RTF1: variants seen among roughly 807,000 people sequenced by gnomAD.
The protein encoded by RTF1 is RTF1 homolog, Paf1/RNA polymerase II complex component.
In RTF1, 10 loss-of-function variants were observed where a neutral mutation model predicts 95.7. The observed-to-expected ratio is 0.10, with a 90% CI of 0.06 to 0.18. The LOEUF (loss-of-function observed/expected upper bound fraction) is 0.18. RTF1 is among the 10% of genes least tolerant of loss of function. The probability of loss-of-function intolerance (pLI) is 1.00; values close to 1 mark genes in which losing one functional copy is unlikely to be tolerated. For missense variants in RTF1, 458 were observed against 875.6 expected, an observed-to-expected ratio of 0.52 and a Z score of 6.02; for synonymous variants, 305 against 311.8, an observed-to-expected ratio of 0.98 and a Z score of 0.23.
intron 8 of RTF1, among the ~76,000 whole-genome samples, chr15:41,472,629 A>G (rs1246291249): frequency 2.1e-5 from 3 of 145,848 alleles, no homozygotes; most frequent in Admixed American, 2.0e-4. Context: ...AGCGATTCTC[A>G]TGCCTCAGCC....
At chr15:41,421,731 A>C (rs868591969) in intron 1 of RTF1, among the ~76,000 whole-genome samples, 65 of 146,028 alleles carry the variant, frequency 4.5e-4, no homozygotes, top group African/African-American at 1.5e-3. Context: ...TTTTTTAGGC[A>C]GGGTTTCACT....
chr15:41,472,737 T>C (rs2140653501), intron 8 of RTF1, among the ~76,000 whole-genome samples: 1 of 149,650 alleles, frequency 6.7e-6, no homozygotes, highest in South Asian at 2.2e-4. Context: ...AGTCTCGCTA[T>C]GTGGCCCAGG....
chr15:41,477,625 T>C (rs2050948381), intron 14 of RTF1, 110 bp downstream of exon 14: 1 of 923,200 alleles, frequency 1.1e-6, no homozygotes, highest in East Asian at 2.6e-5. Flanking sequence ...ACGTAGGCAC[T>C]TAACGTATAC....
At chr15:41,428,231 A>G (rs1229894627) in intron 1 of RTF1, among the ~76,000 whole-genome samples, 2 of 135,702 alleles carry the variant, frequency 1.5e-5, no homozygotes, top group African/African-American at 5.7e-5. Context: ...TCTTGTTCCA[A>G]CCCCTCTACT....
chr15:41,442,229 G>A (rs1053348719), intron 2 of RTF1, among the ~76,000 whole-genome samples: 1 of 150,458 alleles, frequency 6.6e-6, no homozygotes, highest in East Asian at 2.0e-4. Flanking sequence ...GTGCAGTGGC[G>A]TGATCTTGGC....
At chr15:41,474,889 C>G (rs1369426046) in intron 9 of RTF1, among the ~76,000 whole-genome samples, 187 bp downstream of exon 9, 1 of 152,100 alleles carries the variant, frequency 6.6e-6, no homozygotes, top group Admixed American at 6.5e-5. Context: ...ATTCTCTCCT[C>G]TAGAGGGAAC....
chr15:41,469,648 C>T lies in RTF1; in HGVS notation c.890-609C>T, dbSNP rs146929891. Among the ~76,000 whole-genome samples, 932 of 152,122 alleles carry T rather than the reference C, an allele frequency of 6.1e-3. 9 individuals carry two copies. The highest frequency in any genetic ancestry group is 0.011 in the Non-Finnish European group (754 of 67,992). ...TCAAGCGATTCTCCTGCCTCAGCCTCCCAAGTAGCTGGGATAACAGGTGCC... is the reference window on the plus strand; with the variant it reads ...TCAAGCGATTCTCCTGCCTCAGCCTTCCAAGTAGCTGGGATAACAGGTGCC... On this transcript the variant is annotated intron_variant, in intron 6 of 17. Coordinates refer to ENST00000389629, the MANE Select transcript of RTF1 (RefSeq NM_015138.5).
At chr15:41,480,413 A>G in intron 17 of RTF1, 88 bp downstream of exon 17, 2 of 1,059,916 alleles carry the variant, frequency 1.9e-6, no homozygotes, top group Non-Finnish European at 2.9e-6. Flanking sequence ...CTTTTAGGGA[A>G]GAAAGGGGAA....
At chr15:41,468,976 C>T (rs181046163) in intron 6 of RTF1, among the ~76,000 whole-genome samples, 53 of 152,136 alleles carry the variant, frequency 3.5e-4, no homozygotes, top group African/African-American at 1.1e-3. Flanking sequence ...CTTTTTCTCT[C>T]TCTCTTTTTT....
chr15:41,475,878 A>G, intron 11 of RTF1, 59 bp downstream of exon 11: 2 of 834,156 alleles, frequency 2.4e-6, no homozygotes, highest in South Asian at 1.6e-5. Flanking sequence ...TTGAGAGAAC[A>G]TGATTCTCTT....
chr15:41,451,451 T>G (rs895214500), intron 2 of RTF1, among the ~76,000 whole-genome samples: 91 of 152,192 alleles, frequency 6.0e-4, no homozygotes, highest in Non-Finnish European at 9.7e-4. Context: ...TTGATGAAGA[T>G]GGTTTTTTGG....
intron 4 of RTF1, among the ~76,000 whole-genome samples, chr15:41,459,975 T>G (rs1032926355): frequency 6.6e-6 from 1 of 152,174 alleles, no homozygotes; most frequent in African/African-American, 2.4e-5. Flanking sequence ...AAGCATTTTC[T>G]TTGGCAGCAC....
At chr15:41,471,412 C>A in intron 8 of RTF1, 63 bp downstream of exon 8, 1 of 1,491,246 alleles carries the variant, frequency 6.7e-7, no homozygotes, top group Non-Finnish European at 9.0e-7. Context: ...CAACTGAGGG[C>A]AGGAGCTACT....
At chr15:41,433,636 C>T (rs2140949342) in intron 1 of RTF1, among the ~76,000 whole-genome samples, 1 of 151,916 alleles carries the variant, frequency 6.6e-6, no homozygotes, top group South Asian at 2.1e-4. Flanking sequence ...GTCTTTAAAG[C>T]TTATAAATTT....
chr15:41,474,292 A>C (rs1002012518), intron 8 of RTF1, among the ~76,000 whole-genome samples: 1 of 152,228 alleles, frequency 6.6e-6, no homozygotes, highest in Non-Finnish European at 1.5e-5. Context: ...ACTGACCTAC[A>C]TGGTCTTCAC....
At chr15:41,442,712 C>A (rs2050741853) in intron 2 of RTF1, among the ~76,000 whole-genome samples, 1 of 151,882 alleles carries the variant, frequency 6.6e-6, no homozygotes, top group African/African-American at 2.4e-5. Context: ...ATGGCGAAAC[C>A]CTGTCTCTAC....
At chr15:41,470,487 T>A in intron 7 of RTF1, 95 bp downstream of exon 7, 1 of 1,300,170 alleles carries the variant, frequency 7.7e-7, no homozygotes, top group Non-Finnish European at 1.1e-6. Context: ...GTTGGGCCAC[T>A]AACTCTGACA....
intron 12 of RTF1, among the ~76,000 whole-genome samples, 170 bp from the exon 13 acceptor site, chr15:41,476,995 A>G (rs1365971569): frequency 6.6e-6 from 1 of 152,220 alleles, no homozygotes; most frequent in Non-Finnish European, 1.5e-5. Flanking sequence ...CACTACTATA[A>G]TATAAATTAT....
At chr15:41,419,599 A>G (rs1243322719) in intron 1 of RTF1, among the ~76,000 whole-genome samples, 2 of 152,196 alleles carry the variant, frequency 1.3e-5, no homozygotes, top group Non-Finnish European at 2.9e-5. Flanking sequence ...GGAAATTGGT[A>G]CATACATTAA....
Sources: allele counts gnomAD v4.1 joint callset (sites outside exome capture counted in the v4.1 genomes callset), GRCh38; gene constraint gnomAD v4.1.1; transcripts MANE v1.5; gene names NCBI Gene and HGNC (gene_info 2026-07-23, HGNC 2026-07-21).